The following KIF1B variants were observed in gnomAD, a reference collection of about 807,000 sequenced individuals.
KIF1B encodes the protein kinesin-like protein KIF1B.
A neutral mutation model predicts 241.9 loss-of-function variants in KIF1B; 76 were observed. The observed-to-expected ratio is 0.31, with a 90% confidence interval of 0.26 to 0.38. The LOEUF is 0.38. Ranked by LOEUF, KIF1B falls within the 10% of genes least tolerant of loss-of-function variation. KIF1B has a pLI of 1.00. For synonymous variants in KIF1B, 750 were observed against 796.7 expected, an observed-to-expected ratio of 0.94 and a Z score of 0.99; for missense variants, 1,622 against 2,271.4, an observed-to-expected ratio of 0.71 and a Z score of 5.81.
At chr1:10,271,630 T>G (rs535215785) in intron 8 of KIF1B, 51 bp downstream of exon 8, 3 of 1,206,714 alleles carry the variant, frequency 2.5e-6, no homozygotes, top group South Asian at 1.2e-5. Flanking sequence ...CCACTACCTG[T>G]TTTTGTAAAT....
intron 2 of KIF1B, among the ~76,000 whole-genome samples, chr1:10,248,852 G>A (rs1487759299): frequency 2.0e-5 from 3 of 152,190 alleles, no homozygotes; most frequent in Non-Finnish European, 4.4e-5. Flanking sequence ...TCTGTGGAAT[G>A]TTGCTTGTAG....
intron 1 of KIF1B, among the ~76,000 whole-genome samples, chr1:10,228,366 A>ATT (rs1379993350): frequency 7.1e-4 from 106 of 149,628 alleles, no homozygotes; most frequent in South Asian, 4.9e-3. Flanking sequence ...AAGTTTTTAA[A>ATT]AAAAAAAGTA....
chr1:10,214,020 T>C (rs1290195891), intron 1 of KIF1B, among the ~76,000 whole-genome samples: 1 of 151,888 alleles, frequency 6.6e-6, no homozygotes, highest in African/African-American at 2.4e-5. Context: ...TTTGTAGTCC[T>C]AGTGCTTCGG....
At chr1:10,358,828 A>G (rs1638333096) in intron 38 of KIF1B, among the ~76,000 whole-genome samples, 1 of 152,216 alleles carries the variant, frequency 6.6e-6, no homozygotes, top group Non-Finnish European at 1.5e-5. Context: ...TTATGGACAC[A>G]TGAAGGGTTT....
At chr1:10,307,253 G>T (rs1650874338) in intron 22 of KIF1B, 12 of 1,021,962 alleles carry the variant, frequency 1.2e-5, no homozygotes, top group Non-Finnish European at 1.4e-5. Context: ...TACTAAATAA[G>T]TAACTAGTGC....
rs1250670796 is a variant in KIF1B, at chr1:10,261,956, T to G, written c.415T>G (p.Ser139Ala). ...KINDNCNEEMSYSVEVSYMEI... is the reference protein window; with the variant it reads ...KINDNCNEEMAYSVEVSYMEI... Reference sequence around the variant, plus strand: ...CAATGACAACTGTAATGAAGAAATGTCTTACTCTGTAGAGGTGAGTACAGC... The same window carrying G: ...CAATGACAACTGTAATGAAGAAATGGCTTACTCTGTAGAGGTGAGTACAGC... The change falls in exon 5 of 49, where the codon TCT (serine) becomes GCT (alanine). Residue 139 changes from serine to alanine, a missense_variant. By Grantham distance (99) the Ser-to-Ala change is moderately conservative. This residue lies in a region of KIF1B where 156 missense variants were observed against 244.8 expected (regional missense o/e 0.64). Transcript: ENST00000676179. 6.2e-7 allele frequency: 1 copy of G among 1,610,584 alleles called. No homozygotes were observed. The highest frequency in any genetic ancestry group is 1.7e-5 in the Admixed American group (1 of 60,010).
At chr1:10,269,367 T>C (rs1457509492) in intron 7 of KIF1B, among the ~76,000 whole-genome samples, 2 of 149,712 alleles carry the variant, frequency 1.3e-5, no homozygotes, top group African/African-American at 2.5e-5. Flanking sequence ...ATAAAAAAAT[T>C]GGCTGTGCGT....
chr1:10,299,806 A>G (rs376965725), intron 22 of KIF1B, among the ~76,000 whole-genome samples: 1 of 152,142 alleles, frequency 6.6e-6, no homozygotes, highest in Non-Finnish European at 1.5e-5. Flanking sequence ...TCTTATTTGC[A>G]TAAGTTCCTT....
intron 2 of KIF1B, among the ~76,000 whole-genome samples, chr1:10,249,570 A>C (rs1235681084): frequency 6.6e-6 from 1 of 152,178 alleles, no homozygotes; most frequent in Non-Finnish European, 1.5e-5. Context: ...GACACATTTA[A>C]GTAAGGACTT....
At chr1:10,241,117 T>TTG (rs200826537) in intron 2 of KIF1B, among the ~76,000 whole-genome samples, 1 of 151,838 alleles carries the variant, frequency 6.6e-6, no homozygotes, top group East Asian at 1.9e-4. Flanking sequence ...GTGGTTAGTT[T>TTG]TGTGTGTGTG....
chr1:10,278,435 C>T (rs1022950545), intron 13 of KIF1B: 7 of 319,908 alleles, frequency 2.2e-5, no homozygotes, highest in African/African-American at 2.2e-5. Flanking sequence ...TTATTTGGAA[C>T]GTTAAACCTG....
intron 28 of KIF1B, among the ~76,000 whole-genome samples, chr1:10,335,925 T>C (rs1488660907): frequency 6.6e-6 from 1 of 152,222 alleles, no homozygotes; most frequent in Non-Finnish European, 1.5e-5. Flanking sequence ...TTTGCTGTAA[T>C]CTTTCTGTCT....
At chr1:10,254,504 A>C (rs1647644940) in intron 2 of KIF1B, among the ~76,000 whole-genome samples, 1 of 152,174 alleles carries the variant, frequency 6.6e-6, no homozygotes, top group Non-Finnish European at 1.5e-5. Context: ...TCAACCTTAG[A>C]TTTCAGAAAT....
At chr1:10,256,803 C>T (rs575088948) in intron 3 of KIF1B, among the ~76,000 whole-genome samples, 9 of 152,044 alleles carry the variant, frequency 5.9e-5, no homozygotes, top group Admixed American at 3.9e-4. Context: ...CCTCCGCCTC[C>T]GAGGTTCAAG....
rs989323748 is a variant in KIF1B at position 10,365,951 on chromosome 1, C to G, written c.4752+303C>G. On this transcript the variant is annotated intron_variant, in intron 43 of 48. Transcript: ENST00000676179. The surrounding 1 kb of genome is among the most constrained non-coding windows in gnomAD (Gnocchi z 4.0). ...TGTCTCTACAAAAACAAAAATTAGGCCAGGCATGGTGGCTCACACCTGTAA... is the reference window on the plus strand; with the variant it reads ...TGTCTCTACAAAAACAAAAATTAGGGCAGGCATGGTGGCTCACACCTGTAA... 6.6e-6 allele frequency among the ~76,000 whole-genome samples: 1 copy of G among 152,174 alleles called. No individual in the cohort carries two copies. Among genetic ancestry groups the G allele is most frequent in the Non-Finnish European group, 1.5e-5 (1 of 68,046 alleles).
rs145494902 is a variant in KIF1B at position 10,334,615 on chromosome 1, G to A, written c.3020G>A (p.Arg1007His). 31 of 1,613,662 alleles carry A rather than the reference G, an allele frequency of 1.9e-5. No homozygotes were observed. Among genetic ancestry groups the A allele is most frequent in the South Asian group, 8.8e-5 (8 of 91,048 alleles). Reference sequence around the variant, plus strand: ...AAAGGTGAAGTGCGGGGATTTCTGCGTGTGGCTGTACAGGCCATCGCAGGT... The same window carrying A: ...AAAGGTGAAGTGCGGGGATTTCTGCATGTGGCTGTACAGGCCATCGCAGGT... The part of the protein sequence containing the change: ...SEKGEVRGFL[R>H]VAVQAIAADE... Residue 1007 changes from arginine to histidine, a missense_variant, in exon 28 of 49, where the codon CGT (arginine) becomes CAT (histidine). Arg to His is a conservative substitution (Grantham distance 29, BLOSUM62 0). This residue lies in a region of KIF1B where 803 missense variants were observed against 1,112.0 expected (regional missense o/e 0.72). Coordinates refer to ENST00000676179, the MANE Select transcript of KIF1B (RefSeq NM_001365951.3).
chr1:10,275,909 CTTT>C (rs34424252), intron 11 of KIF1B, among the ~76,000 whole-genome samples: 2 of 141,334 alleles, frequency 1.4e-5, no homozygotes. Flanking sequence ...ACTTCTCCTA[CTTT>C]TTTTTTTTTT....
At chr1:10,368,434 T>C in intron 43 of KIF1B, 33 bp from the exon 44 acceptor site, 1 of 1,586,410 alleles carries the variant, frequency 6.3e-7, no homozygotes, top group Non-Finnish European at 8.7e-7. Flanking sequence ...TGACATTTTA[T>C]GTTCAGCTTG....
intron 10 of KIF1B, 27 bp from the exon 11 acceptor site, chr1:10,275,401 C>T (rs779617935): frequency 7.6e-7 from 1 of 1,316,288 alleles, no homozygotes; most frequent in Non-Finnish European, 1.1e-6. Context: ...ACGAAAAATG[C>T]TAAGACCATT....
Sources: gnomAD v4.1 joint callset for allele counts (sites outside exome capture counted in the v4.1 genomes callset) on GRCh38, gnomAD v4.1.1 for gene constraint, gnomAD v4.1.1 regional missense constraint, Gnocchi (gnomAD v3.1) non-coding constraint, MANE v1.5 for transcripts, NCBI Gene and HGNC (gene_info 2026-07-23, HGNC 2026-07-21) for gene names.